SP4: variants seen among roughly 807,000 people sequenced by gnomAD.
SP4 encodes the protein transcription factor Sp4.
A neutral mutation model predicts 72.8 loss-of-function variants in SP4; 19 were observed. That is an observed-to-expected ratio of 0.26 (90% CI 0.18 to 0.38). The LOEUF (loss-of-function observed/expected upper bound fraction) is 0.38. SP4 is among the 10% of genes least tolerant of loss of function. SP4 has a pLI of 1.00. For synonymous variants in SP4, 395 were observed against 333.1 expected (o/e 1.19, Z -2.02); for missense variants, 1,008 against 926.3 (o/e 1.09, Z -1.14).
At chr7:21,433,380 C>G (rs1782932080) in intron 3 of SP4, among the ~76,000 whole-genome samples, 1 of 152,092 alleles carries the variant, frequency 6.6e-6, no homozygotes, top group Non-Finnish European at 1.5e-5. Flanking sequence ...ATGCTCAATC[C>G]TTTTAAAAAG....
intron 3 of SP4, among the ~76,000 whole-genome samples, chr7:21,458,625 A>G (rs1169106947): frequency 1.3e-5 from 2 of 152,144 alleles, no homozygotes; most frequent in African/African-American, 2.4e-5. Context: ...CAAGAAAATT[A>G]ATATAATAAT....
At chr7:21,471,937 A>C (rs547073020) in intron 3 of SP4, among the ~76,000 whole-genome samples, 1 of 152,362 alleles carries the variant, frequency 6.6e-6, no homozygotes, top group South Asian at 2.1e-4. Flanking sequence ...GATATAAAAC[A>C]ATAGTTGCTC....
At chr7:21,440,442 T>G in intron 3 of SP4, among the ~76,000 whole-genome samples, 1 of 151,986 alleles carries the variant, frequency 6.6e-6, no homozygotes, top group Non-Finnish European at 1.5e-5. Context: ...TTAGCTTGAG[T>G]TATATGTCAG....
intron 2 of SP4, among the ~76,000 whole-genome samples, chr7:21,429,057 T>C (rs529880942): frequency 6.6e-6 from 1 of 152,352 alleles, no homozygotes; most frequent in South Asian, 2.1e-4. Flanking sequence ...CATAACACTT[T>C]ACAAAGTTGT....
chr7:21,450,050 G>T (rs912635817), intron 3 of SP4, among the ~76,000 whole-genome samples: 10 of 151,920 alleles, frequency 6.6e-5, no homozygotes, highest in African/African-American at 2.4e-4. Context: ...ATAGATCCCA[G>T]AGACTTATTT....
rs747464492 is a variant in SP4, at chr7:21,428,211, T to G, written c.-41T>G. ...TCGCCCCCACCCCCACCCACCTCTA[T>G]CCCAGTGTCTCCGTCTGAGGGTTTG... On this transcript the variant is annotated 5_prime_UTR_variant, in exon 1 of 6. Transcript: ENST00000222584. 6.1e-6 allele frequency: 4 copies of G among 660,608 alleles called. No individual in the cohort carries two copies. Among genetic ancestry groups the G allele is most frequent in the South Asian group, 4.7e-5 (3 of 64,354 alleles). The allele number at this position is 660,608 out of a possible 1,614,324, so 40.9% of individuals were successfully genotyped here. A position where few individuals can be genotyped will look rare whatever the true frequency, so the allele number is the denominator to read the frequency against.
At chr7:21,474,923 G>A (rs769717952) in intron 3 of SP4, among the ~76,000 whole-genome samples, 3 of 152,132 alleles carry the variant, frequency 2.0e-5, no homozygotes, top group Non-Finnish European at 4.4e-5. Flanking sequence ...AAGGATTAAC[G>A]GTGCTGTGGA....
Position 21,508,467 on chromosome 7 carries a change from C to T in SP4, c.2108-2555C>T, listed in dbSNP as rs550468229. 1.4e-4 allele frequency among the ~76,000 whole-genome samples: 21 copies of T among 152,310 alleles called. No homozygotes were observed. In the East Asian group the frequency reaches 3.5e-3, roughly 25 times the overall value. Reference sequence around the variant, plus strand: ...TCAGCCTCCCAAGTAGCTGGGATTACAGGCGTGCATCACCACGCCCAGCTA... The same window carrying T: ...TCAGCCTCCCAAGTAGCTGGGATTATAGGCGTGCATCACCACGCCCAGCTA... On this transcript the variant is annotated intron_variant, in intron 5 of 5. Coordinates refer to ENST00000222584, the MANE Select transcript of SP4 (RefSeq NM_003112.5).
intron 3 of SP4, among the ~76,000 whole-genome samples, chr7:21,470,273 G>T (rs1278471521): frequency 6.6e-6 from 1 of 152,214 alleles, no homozygotes; most frequent in Non-Finnish European, 1.5e-5. Flanking sequence ...AAGGACAAAT[G>T]ACATAAAAAC....
intron 5 of SP4, among the ~76,000 whole-genome samples, chr7:21,499,957 C>G (rs1029835502): frequency 4.6e-5 from 7 of 152,162 alleles, no homozygotes; most frequent in African/African-American, 1.7e-4. Context: ...CTCATCCATT[C>G]CAATCTATCA....
chr7:21,428,960 G>T (rs1782729619), intron 2 of SP4, 168 bp downstream of exon 2: 2 of 641,592 alleles, frequency 3.1e-6, no homozygotes, highest in Admixed American at 3.1e-5. Context: ...ACCTCTTTGA[G>T]GGTATAACGC....
At chr7:21,435,227 G>A (rs1314944078) in intron 3 of SP4, among the ~76,000 whole-genome samples, 2 of 152,052 alleles carry the variant, frequency 1.3e-5, no homozygotes, top group African/African-American at 2.4e-5. Flanking sequence ...TATTATGCTG[G>A]TTCTCCCACA....
At chr7:21,454,355 CTTT>C (rs3060615) in intron 3 of SP4, among the ~76,000 whole-genome samples, 8 of 148,414 alleles carry the variant, frequency 5.4e-5, no homozygotes, top group African/African-American at 2.0e-4. Flanking sequence ...CTTTTACTAA[CTTT>C]TTTTTTTTTT....
intron 5 of SP4, among the ~76,000 whole-genome samples, chr7:21,496,952 T>A (rs940947391): frequency 6.6e-6 from 1 of 152,228 alleles, no homozygotes. Flanking sequence ...CTTCTAAACA[T>A]GTATGACCTT....
intron 4 of SP4, among the ~76,000 whole-genome samples, chr7:21,478,133 T>C (rs1291199542): frequency 6.6e-6 from 1 of 152,244 alleles, no homozygotes; most frequent in Non-Finnish European, 1.5e-5. Flanking sequence ...CATGGTCTTT[T>C]GTGACTGGTT....
intron 5 of SP4, among the ~76,000 whole-genome samples, chr7:21,507,885 A>G (rs1268223665): frequency 2.0e-5 from 3 of 151,712 alleles, no homozygotes; most frequent in Non-Finnish European, 2.9e-5. Context: ...CATTCTCCTC[A>G]CGGGAGAACG....
Position 21,462,035 on chromosome 7 carries a change from T to TG in SP4, c.1679-15044_1679-15043insG, listed in dbSNP as rs1407144891. ...GCAGTGTTTTAGTTTTAGTTTTTTT[T>TG]TTTTTTTTTTGAAGACAGGATCTCA... On this transcript the variant is annotated intron_variant, in intron 3 of 5. Transcript: ENST00000222584. 5.6e-3 allele frequency among the ~76,000 whole-genome samples: 843 copies of TG among 150,486 alleles called. 8 individuals carry two copies. Among genetic ancestry groups the TG allele is most frequent in the African/African-American group, 0.019 (783 of 41,020 alleles).
chr7:21,435,743 T>C (rs1783031077), intron 3 of SP4, among the ~76,000 whole-genome samples: 1 of 152,234 alleles, frequency 6.6e-6, no homozygotes, highest in South Asian at 2.1e-4. Flanking sequence ...TCAATACGAA[T>C]GACTTAGGTT....
rs551716846 is a variant in SP4, at chr7:21,477,171, G to T, written c.1771G>T (p.Gly591Cys). 6.2e-7 allele frequency: 1 copy of T among 1,614,164 alleles called. No individual in the cohort carries two copies. The highest frequency in any genetic ancestry group is 8.5e-7 in the Non-Finnish European group (1 of 1,179,982). The change falls in exon 4 of 6, where the codon GGT becomes TGT. Residue 591 changes from glycine (G) to cysteine (C), a missense_variant. Coordinates refer to ENST00000222584, the MANE Select transcript of SP4 (RefSeq NM_003112.5). ...TGGAGGAATTGCTAATGCCACGATA[G>T]GTGCTGTTAGTCCTGACCAACTCAC... is the stretch of plus-strand genomic sequence containing the variant. ...AVGGIANATI[G>C]AVSPDQLTQV...
Sources: gnomAD v4.1 joint callset for allele counts (sites outside exome capture counted in the v4.1 genomes callset) on GRCh38, gnomAD v4.1.1 for gene constraint, MANE v1.5 for transcripts, NCBI Gene and HGNC (gene_info 2026-07-23, HGNC 2026-07-21) for gene names.